Variants in PDE8A observed in about 807,000 individuals in gnomAD.
PDE8A encodes phosphodiesterase 8A, also known as high affinity cAMP-specific and IBMX-insensitive 3',5'-cyclic phosphodiesterase 8A.
PDE8A carries 59 observed loss-of-function variants against 105.0 expected under a neutral mutation model. The observed-to-expected ratio is 0.56, with a 90% CI of 0.46 to 0.70. The LOEUF (loss-of-function observed/expected upper bound fraction) is 0.70. PDE8A is among the 30% of genes least tolerant of loss of function. PDE8A has a pLI of 0.00. For synonymous variants in PDE8A, 355 were observed against 371.9 expected, an observed-to-expected ratio of 0.95 and a Z score of 0.52; for missense variants, 1,014 against 1,045.9, an observed-to-expected ratio of 0.97 and a Z score of 0.42.
chr15:85,082,375 C>T (rs1401159768), intron 5 of PDE8A, among the ~76,000 whole-genome samples: 1 of 152,040 alleles, frequency 6.6e-6, no homozygotes, highest in African/African-American at 2.4e-5. Context: ...AAAATGCTTT[C>T]TCCCATCATG....
At chr15:85,043,207 G>A (rs562617550) in intron 1 of PDE8A, among the ~76,000 whole-genome samples, 1 of 152,162 alleles carries the variant, frequency 6.6e-6, no homozygotes, top group African/African-American at 2.4e-5. Context: ...AATTGATTTG[G>A]TATCCATATC....
chr15:85,122,674 G>T (rs1360636394), intron 18 of PDE8A, among the ~76,000 whole-genome samples: 2 of 152,166 alleles, frequency 1.3e-5, no homozygotes, highest in African/African-American at 4.8e-5. Flanking sequence ...AGAGGTGGAG[G>T]TATCAAGTAC....
At chr15:85,018,647 T>A (rs2080369122) in intron 1 of PDE8A, among the ~76,000 whole-genome samples, 2 of 152,226 alleles carry the variant, frequency 1.3e-5, no homozygotes, top group Admixed American at 6.5e-5. Context: ...TTCCTGGAAA[T>A]AGAGTAAGGA....
chr15:85,090,800 C>A (rs1303857622), intron 7 of PDE8A: 1 of 551,618 alleles, frequency 1.8e-6, no homozygotes, highest in Non-Finnish European at 3.5e-6. Flanking sequence ...CTGCTGCCCT[C>A]CTGGAGCCTC....
chr15:84,998,936 T>C (rs1270833011), intron 1 of PDE8A, among the ~76,000 whole-genome samples: 1 of 152,196 alleles, frequency 6.6e-6, no homozygotes, highest in African/African-American at 2.4e-5. Context: ...TCAATATTGC[T>C]AAAAATCAGT....
rs1360883290 is a variant in PDE8A, at chr15:85,138,476, T to A, written c.*573T>A. ...TAAAAGCTCAATATTTTCTATGAAT[T>A]CAAAAATACTTCAGAGCCAAAGCCA... On this transcript the variant is annotated 3_prime_UTR_variant, in exon 22 of 22. Coordinates refer to ENST00000394553, the MANE Select transcript of PDE8A (RefSeq NM_002605.3). 6.6e-6 allele frequency: 1 copy of A among 152,622 alleles called. No individual in the cohort carries two copies. The highest frequency in any genetic ancestry group is 1.5e-5 in the Non-Finnish European group (1 of 68,054). The allele number at this position is 152,622 out of a possible 1,614,324, so 9.5% of individuals were successfully genotyped here.
intron 1 of PDE8A, among the ~76,000 whole-genome samples, chr15:85,009,837 T>G (rs1435503810): frequency 5.9e-5 from 9 of 152,226 alleles, no homozygotes; most frequent in Non-Finnish European, 1.0e-4. Flanking sequence ...TACTAGAATG[T>G]CCATTGTAGT....
chr15:85,137,390 A>G (rs368373021), intron 21 of PDE8A, among the ~76,000 whole-genome samples: 3 of 149,560 alleles, frequency 2.0e-5, no homozygotes, highest in South Asian at 4.2e-4. Flanking sequence ...TGCAGGTGAA[A>G]GGAGATGCTG....
At chr15:85,016,638 T>G (rs2141343945) in intron 1 of PDE8A, among the ~76,000 whole-genome samples, 1 of 152,356 alleles carries the variant, frequency 6.6e-6, no homozygotes, top group East Asian at 1.9e-4. Flanking sequence ...TCTTGCTTGT[T>G]TGTTTTTACA....
In PDE8A at chr15:85,014,104, A is replaced by G. The variant is rs369092279; in HGVS notation, c.186+31756A>G. 5.9e-5 allele frequency among the ~76,000 whole-genome samples: 9 copies of G among 152,092 alleles called. No individual in the cohort carries two copies. The East Asian group carries it at 1.3e-3, about 23-fold the overall frequency. On this transcript the variant is annotated intron_variant, in intron 1 of 21. Transcript: ENST00000394553. ...AGATGATACACGATCTTGTGATGAT[A>G]ATCACATCTTTCTTTCTTCCTTTCT...
At chr15:85,098,398 T>C (rs2082790438) in intron 9 of PDE8A, among the ~76,000 whole-genome samples, 1 of 152,238 alleles carries the variant, frequency 6.6e-6, no homozygotes, top group South Asian at 2.1e-4. Context: ...GTATTATTTC[T>C]GCAGAGACCT....
chr15:85,041,708 G>A (rs537966620), intron 1 of PDE8A, among the ~76,000 whole-genome samples: 38 of 152,166 alleles, frequency 2.5e-4, no homozygotes, highest in Non-Finnish European at 4.6e-4. Context: ...AGGAAGAGAC[G>A]GTCTCCCTTA....
chr15:85,090,347 A>G (rs1263647225), intron 7 of PDE8A, among the ~76,000 whole-genome samples: 2 of 152,254 alleles, frequency 1.3e-5, no homozygotes, highest in Non-Finnish European at 2.9e-5. Flanking sequence ...AGTGTTTACT[A>G]TAGTGCCCAG....
intron 1 of PDE8A, among the ~76,000 whole-genome samples, chr15:84,998,266 A>G (rs1347358483): frequency 6.6e-6 from 1 of 152,192 alleles, no homozygotes; most frequent in African/African-American, 2.4e-5. Context: ...AAGAACCCCA[A>G]GCTAACTCTT....
chr15:85,102,208 G>A (rs2081873949), intron 11 of PDE8A, among the ~76,000 whole-genome samples: 1 of 152,158 alleles, frequency 6.6e-6, no homozygotes, highest in Admixed American at 6.5e-5. Context: ...CAGGAAAAGA[G>A]GGGTTAGAGG....
In PDE8A at chr15:85,123,127, C is replaced by G. The variant is rs1419524154; in HGVS notation, c.2019C>G (p.His673Gln). 6.2e-7 allele frequency: 1 copy of G among 1,613,762 alleles called. No homozygotes were observed. Among genetic ancestry groups the G allele is most frequent in the Non-Finnish European group, 8.5e-7 (1 of 1,179,790 alleles). ...DMVLATEMTK[H>Q]FEHVNKFVNS... ...TCTTAGCCACAGAAATGACAAAGCA[C>G]TTTGAGCATGTCAACAAATTTGTCA... is the stretch of plus-strand genomic sequence containing the variant. Residue 673 changes from histidine (H) to glutamine (Q), a missense_variant, in exon 19 of 22, where the codon CAC becomes CAG. Coordinates refer to ENST00000394553, the MANE Select transcript of PDE8A (RefSeq NM_002605.3).
chr15:85,038,381 C>T (rs2080745035), intron 1 of PDE8A, among the ~76,000 whole-genome samples: 1 of 152,150 alleles, frequency 6.6e-6, no homozygotes, highest in South Asian at 2.1e-4. Flanking sequence ...CTTTTGATGA[C>T]CCAAAGTTCT....
intron 20 of PDE8A, among the ~76,000 whole-genome samples, chr15:85,132,008 G>A (rs951193994): frequency 2.6e-5 from 4 of 152,066 alleles, no homozygotes; most frequent in East Asian, 1.9e-4. Context: ...TGCTGCTTTC[G>A]AGATCCTCTG....
intron 9 of PDE8A, among the ~76,000 whole-genome samples, 176 bp downstream of exon 9, chr15:85,098,212 C>A (rs1311583136): frequency 6.6e-6 from 1 of 152,176 alleles, no homozygotes; most frequent in Non-Finnish European, 1.5e-5. Flanking sequence ...ACAGTCTGAC[C>A]CTCTACTTGC....
Sources: gnomAD v4.1 joint callset for allele counts (sites outside exome capture counted in the v4.1 genomes callset) on GRCh38, gnomAD v4.1.1 for gene constraint, MANE v1.5 for transcripts, NCBI Gene and HGNC (gene_info 2026-07-23, HGNC 2026-07-21) for gene names.